The following DUOXA1 variants were observed in gnomAD, a reference collection of about 807,000 sequenced individuals.
The protein encoded by DUOXA1 is dual oxidase maturation factor 1.
DUOXA1 carries 19 observed loss-of-function variants against 26.6 expected under a neutral mutation model. The ratio of observed to expected loss-of-function variants is 0.71; its 90% CI spans 0.50 to 1.05. The LOEUF (loss-of-function observed/expected upper bound fraction) is 1.05, where lower values mean the gene tolerates loss of function less well. Among genes scored for constraint, DUOXA1 ranks in the 50% least tolerant of loss-of-function variants. DUOXA1 has a pLI of 0.00. For synonymous variants in DUOXA1, 166 were observed against 177.0 expected, an observed-to-expected ratio of 0.94 and a Z score of 0.49; for missense variants, 403 against 427.5, an observed-to-expected ratio of 0.94 and a Z score of 0.51.
chr15:45,118,311 G>A lies in DUOXA1; in HGVS notation c.*795C>T. On this transcript the variant is annotated 3_prime_UTR_variant, in exon 9 of 9. Transcript: ENST00000560572. ...AGCATCTTTCTGAACCACCCCAGGGGGACGTTAGGTGGCAGTGATGAGGCA... is the reference window on the plus strand; with the variant it reads ...AGCATCTTTCTGAACCACCCCAGGGAGACGTTAGGTGGCAGTGATGAGGCA... The A allele has an allele frequency of 2.4e-6, 3 of 1,255,318 alleles. No homozygotes were observed. The highest frequency in any genetic ancestry group is 2.0e-6 in the Non-Finnish European group (2 of 999,470). 77.8% of individuals were successfully genotyped at this position (1,255,318 alleles called of 1,614,324 possible).
intron 3 of DUOXA1, among the ~76,000 whole-genome samples, chr15:45,125,699 G>A (rs761907681): frequency 6.6e-6 from 1 of 152,044 alleles, no homozygotes; most frequent in African/African-American, 2.4e-5. Context: ...ATCACACCAT[G>A]TTCTCCAGGG....
At position 45,120,755 on chromosome 15, in the gene DUOXA1, T is replaced by C; in HGVS notation, c.391A>G (p.Thr131Ala). Residue 131 changes from threonine to alanine, a missense_variant, in exon 7 of 9, where the codon ACC becomes GCC. Transcript: ENST00000560572. ...NETINYNEEF[T>A]WRLGENYAEE... ...GCATAGTTCTCACCCAGGCGCCAGG[T>C]GAACTCCTCGTTGTAATTGATGGTC... 1 of 1,614,086 alleles carries C rather than the reference T, an allele frequency of 6.2e-7. No individual in the cohort carries two copies. Among genetic ancestry groups the C allele is most frequent in the Non-Finnish European group, 8.5e-7 (1 of 1,179,992 alleles).
At position 45,117,766 on chromosome 15, in the gene DUOXA1, C is replaced by A; in HGVS notation, c.*1340G>T. 6.2e-7 allele frequency: 1 copy of A among 1,613,732 alleles called. No homozygotes were observed. Among genetic ancestry groups the A allele is most frequent in the Non-Finnish European group, 8.5e-7 (1 of 1,179,862 alleles). ...GGCCGTGGTGAGTCTCCAGTATGTT[C>A]GGCCCAGCGCTCTTCGCACCCTTCT... On this transcript the variant is annotated 3_prime_UTR_variant, in exon 9 of 9. Transcript: ENST00000560572.
At chr15:45,125,652 T>C (rs569829285) in intron 3 of DUOXA1, among the ~76,000 whole-genome samples, 82 of 152,340 alleles carry the variant, frequency 5.4e-4, no homozygotes, top group Non-Finnish European at 1.1e-3. Flanking sequence ...CTGCAGACCA[T>C]GCCCCCTTTC....
chr15:45,117,430 C>T lies in DUOXA1; in HGVS notation c.*1676G>A, dbSNP rs1384224210. On this transcript the variant is annotated 3_prime_UTR_variant, in exon 9 of 9. Coordinates refer to ENST00000560572, the MANE Select transcript of DUOXA1 (RefSeq NM_001276266.2). Reference sequence around the variant, plus strand: ...CCTATTTGCCCCTCTCAATAGTTCGCAGAAACAGGCACTGTTATGACCATT... The same window carrying T: ...CCTATTTGCCCCTCTCAATAGTTCGTAGAAACAGGCACTGTTATGACCATT... 1.3e-5 allele frequency: 20 copies of T among 1,524,406 alleles called. No individual in the cohort carries two copies. In the South Asian group the frequency reaches 2.3e-4, roughly 17 times the overall value. The allele number at this position is 1,524,406 out of a possible 1,614,324, so 94.4% of individuals were successfully genotyped here. A position where few individuals can be genotyped will look rare whatever the true frequency, so the allele number is the denominator to read the frequency against.
chr15:45,119,258 C>A lies in DUOXA1; in HGVS notation c.880G>T (p.Glu294Ter). ...AGTCCACCTTCCTCAGGACTCCACTCCAGCATGGGGTCTTCATCCACACTC... is the reference window on the plus strand; with the variant it reads ...AGTCCACCTTCCTCAGGACTCCACTACAGCATGGGGTCTTCATCCACACTC... ...NQSVDEDPML[E>*]WSPEEGGLLS... Residue 294 changes from glutamate to a stop codon, truncating the protein, a stop_gained, in exon 9 of 9, where the codon GAG (glutamate) becomes TAG (stop). Transcript: ENST00000560572. LOFTEE classifies it low-confidence loss of function (END_TRUNC). The A allele has an allele frequency of 6.2e-7, 1 of 1,614,172 alleles. No individual in the cohort carries two copies. The highest frequency in any genetic ancestry group is 8.5e-7 in the Non-Finnish European group (1 of 1,180,018).
intron 5 of DUOXA1, 125 bp from the exon 6 acceptor site, chr15:45,121,346 C>G: frequency 7.1e-7 from 1 of 1,402,606 alleles, no homozygotes; most frequent in South Asian, 1.4e-5. Context: ...CGTTAACTAG[C>G]CAGGGTCTGG....
At chr15:45,121,359 C>T in intron 5 of DUOXA1, 138 bp from the exon 6 acceptor site, 1 of 1,274,990 alleles carries the variant, frequency 7.8e-7, no homozygotes. Flanking sequence ...GGGTCTGGCT[C>T]ATGGTAAGTC....
chr15:45,120,608 T>A lies in DUOXA1; in HGVS notation c.538A>T (p.Thr180Ser). Residue 180 changes from threonine (T) to serine (S), a missense_variant, in exon 7 of 9, where the codon ACC becomes TCC. Coordinates refer to ENST00000560572, the MANE Select transcript of DUOXA1 (RefSeq NM_001276266.2). ...CATCCTCACCATAGCATGGCTGAGG[T>A]GTAGTGTCCCGCCAGGCGGTACTGG... Reference protein sequence around the residue: ...YRQYRLAGHYTSAMLWVAFLC... With the variant: ...YRQYRLAGHYSSAMLWVAFLC... The A allele has an allele frequency of 1.2e-6, 2 of 1,613,932 alleles. No homozygotes were observed. The highest frequency in any genetic ancestry group is 1.7e-6 in the Non-Finnish European group (2 of 1,179,928).
Position 45,129,111 on chromosome 15 carries a change from A to C in DUOXA1, c.-123T>G, listed in dbSNP as rs1895945805. 1 of 151,976 alleles carries C rather than the reference A, an allele frequency of 6.6e-6. No individual in the cohort carries two copies. The highest frequency in any genetic ancestry group is 1.5e-5 in the Non-Finnish European group (1 of 68,054). The allele number at this position is 151,976 out of a possible 1,614,324, so 9.4% of individuals were successfully genotyped here. A position where few individuals can be genotyped will look rare whatever the true frequency, so the allele number is the denominator to read the frequency against. On this transcript the variant is annotated 5_prime_UTR_variant, in exon 3 of 9. Transcript: ENST00000560572. The surrounding 1 kb of genome is among the most constrained non-coding windows in gnomAD (Gnocchi z 4.1). ...CGAAGCGCCCCCGGGGGTGTGATTA[A>C]AGAGGGAACCAGGTCCCGACGTTCT...
chr15:45,119,266 G>A lies in DUOXA1; in HGVS notation c.872C>T (p.Pro291Leu). 6.2e-7 allele frequency: 1 copy of A among 1,614,174 alleles called. No individual in the cohort carries two copies. The highest frequency in any genetic ancestry group is 8.5e-7 in the Non-Finnish European group (1 of 1,180,026). The change falls in exon 9 of 9, where the codon CCC (proline) becomes CTC (leucine). Residue 291 changes from proline (P) to leucine (L), a missense_variant. Pro to Leu is a moderately conservative substitution (Grantham distance 98). Coordinates refer to ENST00000560572, the MANE Select transcript of DUOXA1 (RefSeq NM_001276266.2). ...AFFNQSVDED[P>L]MLEWSPEEGG... ...TTCCTCAGGACTCCACTCCAGCATG[G>A]GGTCTTCATCCACACTCTGGTTGAA...
In DUOXA1 at chr15:45,121,184, G is replaced by T. The variant is rs754026697; in HGVS notation, c.243C>A (p.Val81=). Residue 81 remains valine, a synonymous_variant, in exon 6 of 9, where the codon GTC becomes GTA. Coordinates refer to ENST00000560572, the MANE Select transcript of DUOXA1 (RefSeq NM_001276266.2). ...AGGCCTTGTATGATGTGTTGGTGCTGACCTGGCCCACAGACCACTCAGAAC... is the reference window on the plus strand; with the variant it reads ...AGGCCTTGTATGATGTGTTGGTGCTTACCTGGCCCACAGACCACTCAGAAC... ...NFSSEWSVGQ[V]STNTSYKAFS... The T allele has an allele frequency of 6.2e-7, 1 of 1,614,168 alleles. No homozygotes were observed. The highest frequency in any genetic ancestry group is 1.1e-5 in the South Asian group (1 of 91,070).
At chr15:45,123,724 C>CCA (rs1895437270) in intron 3 of DUOXA1, among the ~76,000 whole-genome samples, 2 of 152,028 alleles carry the variant, frequency 1.3e-5, no homozygotes, top group Admixed American at 6.5e-5. Flanking sequence ...GCCAGATGTC[C>CCA]TTCTATTCCA....
chr15:45,123,992 A>G (rs1052959222), intron 3 of DUOXA1, among the ~76,000 whole-genome samples: 4 of 152,126 alleles, frequency 2.6e-5, no homozygotes, highest in African/African-American at 9.7e-5. Flanking sequence ...CAATTAAACC[A>G]TGGCCACCAT....
At position 45,120,789 on chromosome 15, in the gene DUOXA1, C is replaced by T. The variant is rs747424190; in HGVS notation, c.357G>A (p.Gln119=). Residue 119 remains glutamine (Q), a synonymous_variant, in exon 7 of 9, where the codon CAG becomes CAA. Transcript: ENST00000560572. ...NITLTGTPVQ[Q]LNETINYNEE... ...CGTTGTAATTGATGGTCTCATTCAG[C>T]TGCTGCACGGGGGTCCCTAGGGCAC... 1 of 1,614,100 alleles carries T rather than the reference C, an allele frequency of 6.2e-7. No individual in the cohort carries two copies. The highest frequency in any genetic ancestry group is 1.7e-5 in the Admixed American group (1 of 60,022).
rs368536391 is a variant in DUOXA1, at chr15:45,122,170, G to T, written c.205+15C>A. On this transcript the variant is annotated intron_variant, in intron 5 of 8. Coordinates refer to ENST00000560572, the MANE Select transcript of DUOXA1 (RefSeq NM_001276266.2). ...ATGGAGGCAGCAGCCCAAGTCAGCT[G>T]CACTTCGCACTCACCCAGGATTGCA... is the stretch of plus-strand genomic sequence containing the variant. 6 of 1,591,726 alleles carry T rather than the reference G, an allele frequency of 3.8e-6. No individual in the cohort carries two copies. The highest frequency in any genetic ancestry group is 1.3e-5 in the African/African-American group (1 of 74,642).
intron 4 of DUOXA1, 126 bp downstream of exon 4, chr15:45,122,742 G>T: frequency 8.4e-7 from 1 of 1,192,806 alleles, no homozygotes; most frequent in Non-Finnish European, 1.1e-6. Context: ...TCTGCCTGGG[G>T]TCGTGGCTAT....
chr15:45,120,896 A>C, intron 6 of DUOXA1, 91 bp from the exon 7 acceptor site: 1 of 1,515,196 alleles, frequency 6.6e-7, no homozygotes, highest in Non-Finnish European at 9.1e-7. Context: ...GAGGGACAGG[A>C]AGTGGTCTCA....
In DUOXA1 at chr15:45,117,626, A is replaced by C. The variant is rs763424825; in HGVS notation, c.*1480T>G. 12 of 1,613,778 alleles carry C rather than the reference A, an allele frequency of 7.4e-6. 1 individual carries two copies. The South Asian group carries it at 1.2e-4, about 16-fold the overall frequency. Reference sequence around the variant, plus strand: ...AGCACTTTGGGAGGTCGAGGCAGGAAGGTCGTTTGAGGCCAGAGTTCGAGA... The same window carrying C: ...AGCACTTTGGGAGGTCGAGGCAGGACGGTCGTTTGAGGCCAGAGTTCGAGA... On this transcript the variant is annotated 3_prime_UTR_variant, in exon 9 of 9. Transcript: ENST00000560572.
Sources: allele counts gnomAD v4.1 joint callset (sites outside exome capture counted in the v4.1 genomes callset), GRCh38; gene constraint gnomAD v4.1.1; non-coding constraint Gnocchi (gnomAD v3.1); transcripts MANE v1.5; gene names NCBI Gene and HGNC (gene_info 2026-07-23, HGNC 2026-07-21).